ADAMTS18: variants seen among roughly 807,000 people sequenced by gnomAD.
ADAMTS18 encodes ADAM metallopeptidase with thrombospondin type 1 motif 18.
Under a neutral mutation model 165.9 loss-of-function variants are expected in ADAMTS18, and 157 were observed. That is an observed-to-expected ratio of 0.95 (90% CI 0.83 to 1.08). The LOEUF (loss-of-function observed/expected upper bound fraction) is 1.08. Among genes scored for constraint, ADAMTS18 ranks in the 50% least tolerant of loss-of-function variants. The pLI is 0.00. For synonymous variants in ADAMTS18, 782 were observed against 578.2 expected, an observed-to-expected ratio of 1.35 and a Z score of -5.06; for missense variants, 2,040 against 1,534.0, an observed-to-expected ratio of 1.33 and a Z score of -5.51.
At chr16:77,331,019 T>G (rs1486423883) in intron 12 of ADAMTS18, among the ~76,000 whole-genome samples, 1 of 152,214 alleles carries the variant, frequency 6.6e-6, no homozygotes, top group Non-Finnish European at 1.5e-5. Flanking sequence ...ATCATCTACT[T>G]GTTTTATTTA....
chr16:77,356,777 C>T (rs967553167), intron 8 of ADAMTS18, among the ~76,000 whole-genome samples: 1 of 152,100 alleles, frequency 6.6e-6, no homozygotes, highest in Non-Finnish European at 1.5e-5. Context: ...AGGTGGTCTA[C>T]TGTCTAGAAA....
At chr16:77,379,222 G>T (rs1328800775) in intron 3 of ADAMTS18, among the ~76,000 whole-genome samples, 1 of 152,104 alleles carries the variant, frequency 6.6e-6, no homozygotes, top group African/African-American at 2.4e-5. Context: ...CCACCATAAG[G>T]TTCACCAATT....
intron 9 of ADAMTS18, 92 bp downstream of exon 9, chr16:77,355,848 T>C: frequency 6.9e-7 from 1 of 1,453,604 alleles, no homozygotes; most frequent in East Asian, 2.3e-5. Context: ...GGTCAAAAGG[T>C]ATTTCCACTG....
Position 77,335,761 on chromosome 16 carries a change from G to T in ADAMTS18, c.1854C>A (p.Asn618Lys), listed in dbSNP as rs755440119. Residue 618 changes from asparagine (N) to lysine (K), a missense_variant, in exon 12 of 23, where the codon AAC becomes AAA. Transcript: ENST00000282849. ...ACTTTCTGCTGGAGGCTTACTTGGG[G>T]TTATTGCAGTGTCTCTCCTGGAACT... ...GVKFQERHCN[N>K]PKPQYGGLFC... is the part of the protein sequence containing the mutation. The T allele has an allele frequency of 3.1e-5, 50 of 1,614,086 alleles. No individual in the cohort carries two copies. The South Asian group carries it at 5.2e-4, about 17-fold the overall frequency.
intron 3 of ADAMTS18, among the ~76,000 whole-genome samples, chr16:77,381,216 CA>C (rs1439829231): frequency 2.0e-5 from 3 of 146,886 alleles, no homozygotes; most frequent in Non-Finnish European, 4.5e-5. Flanking sequence ...ACTTCTATAT[CA>C]GGGGGCTGTC....
chr16:77,358,731 C>T (rs1197075718), intron 8 of ADAMTS18, among the ~76,000 whole-genome samples: 1 of 152,260 alleles, frequency 6.6e-6, no homozygotes, highest in South Asian at 2.1e-4. Context: ...ACATCCTAAA[C>T]TGGTATATCT....
chr16:77,409,472 C>T (rs769326779), intron 3 of ADAMTS18, among the ~76,000 whole-genome samples: 12 of 152,144 alleles, frequency 7.9e-5, no homozygotes, highest in African/African-American at 1.2e-4. Context: ...TTCTCCTAAG[C>T]TGATATGACA....
At chr16:77,321,015 C>T (rs2055987240) in intron 15 of ADAMTS18, 64 bp downstream of exon 15, 2 of 1,608,430 alleles carry the variant, frequency 1.2e-6, no homozygotes, top group Non-Finnish European at 8.5e-7. Context: ...TTTGGCGTGA[C>T]TCAAACTTGT....
In ADAMTS18 at chr16:77,434,779, G is replaced by A; in HGVS notation, c.-84C>T. The A allele has an allele frequency of 1.7e-6, 2 of 1,176,926 alleles. No individual in the cohort carries two copies. Among genetic ancestry groups the A allele is most frequent in the Non-Finnish European group, 2.2e-6 (2 of 914,700 alleles). 72.9% of individuals were successfully genotyped at this position (1,176,926 alleles called of 1,614,324 possible). ...CGGCGCGCATTCTTTCCGCGGCCCC[G>A]GAGCTCGGCGCCCCAGGTGCGGCTC... is the stretch of plus-strand genomic sequence containing the variant. On this transcript the variant is annotated 5_prime_UTR_variant, in exon 1 of 23. Transcript: ENST00000282849.
At chr16:77,430,026 G>C (rs1031740472) in intron 3 of ADAMTS18, among the ~76,000 whole-genome samples, 1 of 152,176 alleles carries the variant, frequency 6.6e-6, no homozygotes, top group African/African-American at 2.4e-5. Context: ...CTGGTATGTG[G>C]AATGGGATAG....
intron 3 of ADAMTS18, among the ~76,000 whole-genome samples, chr16:77,371,058 T>C (rs2144751390): frequency 6.6e-6 from 1 of 152,072 alleles, no homozygotes; most frequent in South Asian, 2.1e-4. Context: ...CTACAAAAAC[T>C]ACAAATATTA....
At chr16:77,419,820 G>A (rs1027938519) in intron 3 of ADAMTS18, among the ~76,000 whole-genome samples, 2 of 151,760 alleles carry the variant, frequency 1.3e-5, no homozygotes, top group Non-Finnish European at 2.9e-5. Context: ...CCAACATGGT[G>A]AAACCCCGTC....
chr16:77,396,796 A>G (rs1597222102), intron 3 of ADAMTS18, among the ~76,000 whole-genome samples: 2 of 144,166 alleles, frequency 1.4e-5, no homozygotes, highest in African/African-American at 2.6e-5. Context: ...GCCAGTCTTC[A>G]TTGCCTTTTT....
chr16:77,331,377 A>G (rs1348294818), intron 12 of ADAMTS18, among the ~76,000 whole-genome samples: 1 of 152,220 alleles, frequency 6.6e-6, no homozygotes, highest in East Asian at 1.9e-4. Context: ...AATGTAAAGT[A>G]ATATGATGAT....
At chr16:77,371,487 G>A (rs2056875672) in intron 3 of ADAMTS18, among the ~76,000 whole-genome samples, 1 of 152,026 alleles carries the variant, frequency 6.6e-6, no homozygotes, top group African/African-American at 2.4e-5. Context: ...CTCATCTACA[G>A]CCTATTAATT....
intron 12 of ADAMTS18, among the ~76,000 whole-genome samples, chr16:77,330,395 A>G (rs1425934187): frequency 2.0e-5 from 3 of 152,212 alleles, no homozygotes; most frequent in Non-Finnish European, 4.4e-5. Flanking sequence ...AAAATGTCAA[A>G]GGATTAAGAC....
At chr16:77,411,715 C>A (rs1460047006) in intron 3 of ADAMTS18, among the ~76,000 whole-genome samples, 3 of 102,650 alleles carry the variant, frequency 2.9e-5, no homozygotes, top group Non-Finnish European at 5.3e-5. Context: ...GAGACAGAGT[C>A]TTGCCCTGTC....
chr16:77,411,325 G>A (rs1446915561), intron 3 of ADAMTS18, among the ~76,000 whole-genome samples: 1 of 152,174 alleles, frequency 6.6e-6, no homozygotes, highest in African/African-American at 2.4e-5. Context: ...AGAACATGCT[G>A]GAGTCAGTCT....
At chr16:77,313,034 G>T (rs529119791) in intron 16 of ADAMTS18, among the ~76,000 whole-genome samples, 2 of 152,026 alleles carry the variant, frequency 1.3e-5, no homozygotes, top group African/African-American at 4.8e-5. Context: ...GCAAAGACTC[G>T]GAACCAACCC....
Sources: gnomAD v4.1 joint callset for allele counts (sites outside exome capture counted in the v4.1 genomes callset) on GRCh38, gnomAD v4.1.1 for gene constraint, MANE v1.5 for transcripts, NCBI Gene and HGNC (gene_info 2026-07-23, HGNC 2026-07-21) for gene names.